Variants in ZDHHC16 observed in about 807,000 individuals in gnomAD.
The protein encoded by ZDHHC16 is zDHHC palmitoyltransferase 16.
ZDHHC16 carries 33 observed loss-of-function variants against 54.4 expected under a neutral mutation model. The observed-to-expected ratio is 0.61, with a 90% CI of 0.46 to 0.81. The LOEUF (loss-of-function observed/expected upper bound fraction) is 0.81, where lower values mean the gene tolerates loss of function less well. Among genes scored for constraint, ZDHHC16 ranks in the 30% least tolerant of loss-of-function variants. ZDHHC16 has a pLI of 0.00. For synonymous variants in ZDHHC16, 185 were observed against 182.1 expected (o/e 1.02, Z -0.13); for missense variants, 420 against 485.9 (o/e 0.86, Z 1.28).
At chr10:97,450,138 TG>T (rs1464074828) in intron 1 of ZDHHC16, among the ~76,000 whole-genome samples, 4 of 152,112 alleles carry the variant, frequency 2.6e-5, no homozygotes, top group Non-Finnish European at 4.4e-5. Context: ...CCCAAAGTGC[TG>T]GGATTACAGG....
intron 8 of ZDHHC16, among the ~76,000 whole-genome samples, chr10:97,454,142 C>T (rs1368470605): frequency 6.6e-6 from 1 of 152,206 alleles, no homozygotes; most frequent in Non-Finnish European, 1.5e-5. Flanking sequence ...CTATGTTAGT[C>T]TGTGTAATGG....
chr10:97,456,322 T>G, intron 11 of ZDHHC16: 1 of 434,262 alleles, frequency 2.3e-6, no homozygotes, highest in Non-Finnish European at 4.1e-6. Flanking sequence ...TGGCCACCAG[T>G]CACCTCTCAC....
chr10:97,448,096 C>T (rs968223440), intron 1 of ZDHHC16: 1 of 152,214 alleles, frequency 6.6e-6, no homozygotes, highest in African/African-American at 2.4e-5. Flanking sequence ...CACGGTTGGG[C>T]TGATTTCTGG....
chr10:97,454,964 C>T (rs1014784569), intron 9 of ZDHHC16, among the ~76,000 whole-genome samples, 165 bp downstream of exon 9: 1 of 152,194 alleles, frequency 6.6e-6, no homozygotes, highest in African/African-American at 2.4e-5. Context: ...GCAGGGAGCA[C>T]TGAGGATATT....
At chr10:97,455,902 T>C in intron 10 of ZDHHC16, 72 bp from the exon 11 acceptor site, 2 of 1,608,882 alleles carry the variant, frequency 1.2e-6, no homozygotes, top group South Asian at 2.2e-5. Flanking sequence ...AACTACTCTA[T>C]CTGAGCTTTA....
At chr10:97,456,249 G>C (rs1471351071) in intron 11 of ZDHHC16, 3 of 546,368 alleles carry the variant, frequency 5.5e-6, no homozygotes, top group Non-Finnish European at 3.2e-6. Flanking sequence ...AGGCTTCAAC[G>C]TGACTACAGT....
chr10:97,451,944 A>G, intron 3 of ZDHHC16, 26 bp downstream of exon 3: 1 of 1,597,796 alleles, frequency 6.3e-7, no homozygotes, highest in Non-Finnish European at 8.5e-7. Context: ...GGAGCAGGAA[A>G]AGGGGTGTTG....
intron 8 of ZDHHC16, among the ~76,000 whole-genome samples, chr10:97,454,504 T>C (rs1846977419): frequency 6.6e-6 from 1 of 152,222 alleles, no homozygotes; most frequent in African/African-American, 2.4e-5. Flanking sequence ...TTCACCATCC[T>C]GTCCAGACCC....
chr10:97,452,067 C>G (rs747682258), intron 3 of ZDHHC16, 23 bp from the exon 4 acceptor site: 1 of 1,613,646 alleles, frequency 6.2e-7, no homozygotes, highest in East Asian at 2.2e-5. Context: ...GCCATGTCTC[C>G]CTGACCTTGC....
intron 4 of ZDHHC16, 22 bp downstream of exon 4, chr10:97,452,306 G>A (rs1564803468): frequency 6.2e-7 from 1 of 1,613,660 alleles, no homozygotes; most frequent in Non-Finnish European, 8.5e-7. Flanking sequence ...CAGGAGCACT[G>A]GGGGAAGTTG....
intron 10 of ZDHHC16, 65 bp downstream of exon 10, chr10:97,455,848 G>A: frequency 6.2e-7 from 1 of 1,604,596 alleles, no homozygotes. Context: ...TGTAAACAGA[G>A]GCCATGGGCA....
chr10:97,453,013 CAG>C, intron 6 of ZDHHC16, 90 bp downstream of exon 6: 1 of 1,543,906 alleles, frequency 6.5e-7, no homozygotes, highest in Non-Finnish European at 9.0e-7. Flanking sequence ...CATCACCGTG[CAG>C]AGAACACTGG....
rs1467765667 is a variant in ZDHHC16 at position 97,456,898 on chromosome 10, CTG to C, written c.*11_*12del. Reference sequence around the variant, plus strand: ...CTCTGTGATGGCAGTGTGAGCTGGACTGTGTCAGCCACGACTCGAGCACTCAT... The same window carrying C: ...CTCTGTGATGGCAGTGTGAGCTGGACTGTCAGCCACGACTCGAGCACTCAT... On this transcript the variant is annotated 3_prime_UTR_variant, in exon 12 of 12. Coordinates refer to ENST00000393760, the MANE Select transcript of ZDHHC16 (RefSeq NM_198046.3). 4 of 1,598,090 alleles carry C rather than the reference CTG, an allele frequency of 2.5e-6. No homozygotes were observed. The African/African-American group carries it at 4.0e-5, about 16-fold the overall frequency.
At position 97,452,185 on chromosome 10, in the gene ZDHHC16, A is replaced by G. The variant is rs148885258; in HGVS notation, c.339A>G (p.Pro113=). 9.5e-5 allele frequency: 153 copies of G among 1,614,070 alleles called. No homozygotes were observed. The African/African-American group carries it at 1.8e-3, about 19-fold the overall frequency. The change falls in exon 4 of 12, where the codon CCA becomes CCG. Residue 113 remains proline, a synonymous_variant. Transcript: ENST00000393760. ...TCATCCTCCGAACCTACTCAGTGCC[A>G]CGACTCTGCTGGCATTTCTTCTATA... ...LPLILRTYSV[P]RLCWHFFYSH...
At chr10:97,452,994 C>T (rs887751619) in intron 6 of ZDHHC16, 71 bp downstream of exon 6, 3 of 1,594,168 alleles carry the variant, frequency 1.9e-6, no homozygotes, top group South Asian at 2.2e-5. Context: ...TTAATGGCCA[C>T]CATTTTAGCA....
intron 11 of ZDHHC16, chr10:97,456,476 G>C (rs1343788663): frequency 9.6e-6 from 3 of 311,614 alleles, no homozygotes; most frequent in African/African-American, 6.4e-5. Context: ...CAGTTACTGA[G>C]GCGGTAACAA....
rs1564808384 is a variant in ZDHHC16 at position 97,455,803 on chromosome 10, CG to C, written c.948+24del. ...GGCAGAGTGAGTAGGGTTGAAGGCT[CG>C]GGGTGGGTAGGTGGGTAACTGAACT... On this transcript the variant is annotated intron_variant, in intron 10 of 11. Coordinates refer to ENST00000393760, the MANE Select transcript of ZDHHC16 (RefSeq NM_198046.3). 7 of 1,610,614 alleles carry C rather than the reference CG, an allele frequency of 4.3e-6. No homozygotes were observed. The highest frequency in any genetic ancestry group is 5.1e-6 in the Non-Finnish European group (6 of 1,177,176).
rs146523107 is a variant in ZDHHC16 at position 97,448,629 on chromosome 10, T to C, written c.-185-1728T>C. ...AACATTTGCTGGGCGAGGTGGCAGG[T>C]GCCTGTAATCCCAGCTACTTGGGAG... On this transcript the variant is annotated intron_variant, in intron 1 of 11. Transcript: ENST00000393760. 3.5e-3 allele frequency among the ~76,000 whole-genome samples: 530 copies of C among 152,252 alleles called. 3 individuals are homozygous for C. Among genetic ancestry groups the C allele is most frequent in the African/African-American group, 0.012 (510 of 41,554 alleles).
chr10:97,451,581 T>C (rs1846614229), intron 2 of ZDHHC16, 90 bp from the exon 3 acceptor site: 2 of 1,510,464 alleles, frequency 1.3e-6, no homozygotes, highest in South Asian at 2.7e-5. Context: ...CTTAGGTCTT[T>C]GCCCTCCAAG....
Sources: allele counts gnomAD v4.1 joint callset (sites outside exome capture counted in the v4.1 genomes callset), GRCh38; gene constraint gnomAD v4.1.1; transcripts MANE v1.5; gene names NCBI Gene and HGNC (gene_info 2026-07-23, HGNC 2026-07-21).